HYCC2: variants seen among roughly 807,000 people sequenced by gnomAD.
HYCC2 encodes the protein hyccin PI4KA lipid kinase complex subunit 2.
the HYCC2 span, among the ~76,000 whole-genome samples, chr2:201,033,976 TAAAAAAAA>T: frequency 7.0e-6 from 1 of 142,026 alleles, no homozygotes; most frequent in African/African-American, 2.6e-5. Flanking sequence ...TCCTCTAGTT[TAAAAAAAA>T]AAAAAAAGTA....
the HYCC2 span, among the ~76,000 whole-genome samples, chr2:201,033,888 A>G: frequency 6.6e-6 from 1 of 151,832 alleles, no homozygotes; most frequent in Non-Finnish European, 1.5e-5. Context: ...TTTGATATAT[A>G]CTTTATCAGA....
chr2:201,039,485 G>A, the HYCC2 span, among the ~76,000 whole-genome samples: 1 of 152,146 alleles, frequency 6.6e-6, no homozygotes, highest in East Asian at 1.9e-4. Context: ...TTGACAAGTA[G>A]ATGTTGTCCC....
chr2:201,043,390 ATCC>A, the HYCC2 span, among the ~76,000 whole-genome samples: 1 of 150,440 alleles, frequency 6.6e-6, no homozygotes, highest in Non-Finnish European at 1.5e-5. Flanking sequence ...ACCCTGCCAA[ATCC>A]TCCTCTCCGA....
the HYCC2 span, among the ~76,000 whole-genome samples, chr2:201,033,785 C>T: frequency 6.6e-6 from 1 of 152,044 alleles, no homozygotes; most frequent in Non-Finnish European, 1.5e-5. Context: ...GCACTCTTCC[C>T]ATCTCGGCCT....
the HYCC2 span, chr2:201,052,259 T>G: frequency 6.5e-6 from 1 of 152,972 alleles, no homozygotes; most frequent in Non-Finnish European, 1.5e-5. Context: ...ATCACGCCAC[T>G]GCACTCCAGC....
the HYCC2 span, chr2:200,977,604 A>T: frequency 6.6e-6 from 1 of 152,220 alleles, no homozygotes; most frequent in Admixed American, 6.5e-5. Flanking sequence ...TAATCCTAGC[A>T]CTTCTGGGAG....
At chr2:201,042,784 C>T in the HYCC2 span, among the ~76,000 whole-genome samples, 1 of 149,902 alleles carries the variant, frequency 6.7e-6, no homozygotes, top group East Asian at 2.0e-4. Flanking sequence ...AGGTGGGGGG[C>T]GCCTCTGCCC....
chr2:201,021,069 A>G, the HYCC2 span, among the ~76,000 whole-genome samples: 21 of 152,144 alleles, frequency 1.4e-4, no homozygotes, highest in Non-Finnish European at 2.6e-4. Context: ...GCCGGCAACT[A>G]TTTTAAGTTT....
the HYCC2 span, among the ~76,000 whole-genome samples, chr2:201,058,481 C>A: frequency 6.6e-6 from 1 of 152,200 alleles, no homozygotes; most frequent in Non-Finnish European, 1.5e-5. Context: ...GAAGCCAAGG[C>A]GGGTGGATCG....
the HYCC2 span, among the ~76,000 whole-genome samples, chr2:201,038,705 C>A: frequency 4.0e-5 from 6 of 151,428 alleles, no homozygotes; most frequent in African/African-American, 1.5e-4. Flanking sequence ...GAAAACACAT[C>A]GACACAGGAA....
At chr2:201,003,398 A>G in the HYCC2 span, among the ~76,000 whole-genome samples, 2 of 152,280 alleles carry the variant, frequency 1.3e-5, no homozygotes, top group East Asian at 3.9e-4. Flanking sequence ...GCAGGAGAAT[A>G]GCTTCAACTA....
At chr2:201,006,661 T>C in the HYCC2 span, among the ~76,000 whole-genome samples, 1 of 152,274 alleles carries the variant, frequency 6.6e-6, no homozygotes, top group Non-Finnish European at 1.5e-5. Context: ...TTTGGTCATA[T>C]ATGATGATGA....
At chr2:201,031,154 C>T in the HYCC2 span, among the ~76,000 whole-genome samples, 9 of 152,140 alleles carry the variant, frequency 5.9e-5, no homozygotes, top group Non-Finnish European at 1.2e-4. Flanking sequence ...TTTTAAGAAG[C>T]ATATGGCTGT....
At chr2:200,995,427 A>G in the HYCC2 span, among the ~76,000 whole-genome samples, 1 of 152,184 alleles carries the variant, frequency 6.6e-6, no homozygotes, top group Non-Finnish European at 1.5e-5. Flanking sequence ...TGGGATCTAC[A>G]GCTTGCTTCT....
At chr2:201,023,123 C>A in the HYCC2 span, among the ~76,000 whole-genome samples, 4 of 152,068 alleles carry the variant, frequency 2.6e-5, no homozygotes, top group African/African-American at 9.7e-5. Flanking sequence ...TCAAGGCAAG[C>A]GTATCACTTG....
the HYCC2 span, chr2:200,997,629 A>T: frequency 2.2e-5 from 17 of 776,372 alleles, no homozygotes; most frequent in Non-Finnish European, 3.7e-5. Context: ...ATTGACCTTT[A>T]TGATTTCTTA....
At chr2:201,020,927 C>T in the HYCC2 span, among the ~76,000 whole-genome samples, 1 of 152,006 alleles carries the variant, frequency 6.6e-6, no homozygotes, top group Admixed American at 6.6e-5. Flanking sequence ...ACCACCACAC[C>T]CAGCTAATTT....
the HYCC2 span, chr2:200,978,055 C>G: frequency 6.6e-6 from 1 of 152,052 alleles, no homozygotes; most frequent in Non-Finnish European, 1.5e-5. Context: ...GATGATTAGA[C>G]TTTTATGGAG....
At chr2:200,974,859 A>G in the HYCC2 span, 1 of 152,030 alleles carries the variant, frequency 6.6e-6, no homozygotes, top group African/African-American at 2.4e-5. Context: ...CTGCAAAGAA[A>G]AAAAACACTC....
Sources: allele counts gnomAD v4.1 joint callset (sites outside exome capture counted in the v4.1 genomes callset), GRCh38; gene constraint gnomAD v4.1.1; transcripts MANE v1.5; gene names NCBI Gene and HGNC (gene_info 2026-07-23, HGNC 2026-07-21).